The following TUT7 variants were observed in gnomAD, a reference collection of about 807,000 sequenced individuals.
TUT7 encodes terminal uridylyl transferase 7, also known as terminal uridylyltransferase 7.
A neutral mutation model predicts 165.9 loss-of-function variants in TUT7; 33 were observed. The ratio of observed to expected loss-of-function variants is 0.20; its 90% CI spans 0.15 to 0.27. The LOEUF (loss-of-function observed/expected upper bound fraction) is 0.27. Ranked by LOEUF, TUT7 falls within the 10% of genes least tolerant of loss-of-function variation. The pLI, the probability that TUT7 is intolerant of heterozygous loss-of-function variation, is 1.00. For synonymous variants in TUT7, 552 were observed against 608.1 expected (o/e 0.91, Z 1.36); for missense variants, 1,338 against 1,762.3 (o/e 0.76, Z 4.31).
At chr9:86,308,912 A>C (rs1406417535) in intron 21 of TUT7, among the ~76,000 whole-genome samples, 2 of 152,196 alleles carry the variant, frequency 1.3e-5, no homozygotes, top group Non-Finnish European at 2.9e-5. Context: ...GCTCATTGAA[A>C]GTCTTTCTAA....
intron 9 of TUT7, among the ~76,000 whole-genome samples, chr9:86,338,592 T>C (rs2131550853): frequency 6.6e-6 from 1 of 152,328 alleles, no homozygotes; most frequent in African/African-American, 2.4e-5. Flanking sequence ...CTCACAAATC[T>C]GATTTTTAAT....
At position 86,352,922 on chromosome 9, in the gene TUT7, C is replaced by T; in HGVS notation, c.278G>A (p.Ser93Asn). The T allele has an allele frequency of 6.2e-7, 1 of 1,614,220 alleles. No individual in the cohort carries two copies. The highest frequency in any genetic ancestry group is 2.2e-5 in the East Asian group (1 of 44,888). ...CCATCTCTTACTCTGATCTTTGTGG[C>T]TGTCATTCATCCAAGCGGGTTGACT... is the stretch of plus-strand genomic sequence containing the variant. Reference protein sequence around the residue: ...IYSQPAWMNDSHKDQSKRWLS... With the variant: ...IYSQPAWMNDNHKDQSKRWLS... The change falls in exon 2 of 27, where the codon AGC (serine) becomes AAC (asparagine). Residue 93 changes from serine to asparagine, a missense_variant. By Grantham distance (46) the Ser-to-Asn change is conservative (BLOSUM62 1). Coordinates refer to ENST00000375963, the MANE Select transcript of TUT7 (RefSeq NM_024617.4).
chr9:86,345,770 G>C lies in TUT7; in HGVS notation c.718C>G (p.Pro240Ala), dbSNP rs1167701091. The C allele has an allele frequency of 1.2e-6, 2 of 1,611,218 alleles. No homozygotes were observed. The highest frequency in any genetic ancestry group is 2.7e-5 in the African/African-American group (2 of 74,892). The part of the protein sequence containing the change: ...DRLKRRPRNY[P>A]TAKYTCRLCD... Reference sequence around the variant, plus strand: ...AGTCTGCAGGTGTACTTTGCTGTAGGGTAGTTTCGTGGTCGCTATAATTTG... The same window carrying C: ...AGTCTGCAGGTGTACTTTGCTGTAGCGTAGTTTCGTGGTCGCTATAATTTG... The change falls in exon 4 of 27, where the codon CCT (proline) becomes GCT (alanine). Residue 240 changes from proline (P) to alanine (A), a missense_variant. Pro to Ala is a conservative substitution (Grantham distance 27). Coordinates refer to ENST00000375963, the MANE Select transcript of TUT7 (RefSeq NM_024617.4).
At position 86,323,339 on chromosome 9, in the gene TUT7, G is replaced by A. The variant is rs1225104569; in HGVS notation, c.2411C>T (p.Ala804Val). The change falls in exon 13 of 27, where the codon GCC (alanine) becomes GTC (valine). Residue 804 changes from alanine to valine, a missense_variant. Around this residue, in one of 7 missense-constraint regions of TUT7, gnomAD observed 425 missense variants for 474.9 expected, o/e 0.89. Coordinates refer to ENST00000375963, the MANE Select transcript of TUT7 (RefSeq NM_024617.4). The part of the protein sequence containing the change: ...NPTAKECEGL[A>V]TLDNKADLDG... Reference sequence around the variant, plus strand: ...AAGATCAGCCTTGTTATCTAAAGTGGCAAGTCCCTCACACTCTTTAGCTGT... The same window carrying A: ...AAGATCAGCCTTGTTATCTAAAGTGACAAGTCCCTCACACTCTTTAGCTGT... 1.2e-6 allele frequency: 2 copies of A among 1,613,916 alleles called. No individual in the cohort carries two copies. Among genetic ancestry groups the A allele is most frequent in the Admixed American group, 1.7e-5 (1 of 59,994 alleles).
At position 86,310,725 on chromosome 9, in the gene TUT7, A is replaced by C. The variant is rs753140997; in HGVS notation, c.3359T>G (p.Ile1120Ser). ...FHLRSGLEVDISLYNTLALHN... is the reference protein window; with the variant it reads ...FHLRSGLEVDSSLYNTLALHN... The stretch of plus-strand genomic sequence containing the variant: ...TCTTACCAATGTGTTATACAAACTG[A>C]TATCTACTTCCAGACCACTTCTCAA... The change falls in exon 18 of 27, where the codon ATC (isoleucine) becomes AGC (serine). Residue 1120 changes from isoleucine (I) to serine (S), a missense_variant. Coordinates refer to ENST00000375963, the MANE Select transcript of TUT7 (RefSeq NM_024617.4). 6.2e-7 allele frequency: 1 copy of C among 1,607,426 alleles called. No individual in the cohort carries two copies. The highest frequency in any genetic ancestry group is 8.5e-7 in the Non-Finnish European group (1 of 1,173,950).
At chr9:86,316,246 T>C (rs964260495) in intron 17 of TUT7, among the ~76,000 whole-genome samples, 51 of 152,218 alleles carry the variant, frequency 3.4e-4, no homozygotes, top group African/African-American at 1.2e-3. Context: ...ACAAAATCTA[T>C]ACATTTTATA....
chr9:86,339,248 C>T (rs1052281425), intron 8 of TUT7, among the ~76,000 whole-genome samples: 2 of 152,074 alleles, frequency 1.3e-5, no homozygotes, highest in Non-Finnish European at 2.9e-5. Context: ...TGTTTCGGGC[C>T]AGGCATGGTG....
intron 5 of TUT7, among the ~76,000 whole-genome samples, chr9:86,343,935 T>C (rs1831533724): frequency 6.6e-6 from 1 of 152,208 alleles, no homozygotes; most frequent in Non-Finnish European, 1.5e-5. Context: ...GTGATTTCTT[T>C]GGGTTTTAGC....
In TUT7 at chr9:86,323,166, G is replaced by T; in HGVS notation, c.2584C>A (p.Leu862Ile). 6.2e-7 allele frequency: 1 copy of T among 1,614,110 alleles called. No homozygotes were observed. Residue 862 changes from leucine to isoleucine, a missense_variant, in exon 13 of 27, where the codon CTC (leucine) becomes ATC (isoleucine). Leu to Ile is a conservative substitution (Grantham distance 5). Transcript: ENST00000375963. ...TCATCTTCCCTTTGGTTAATGGTGA[G>T]CCTAGGTTCTTCTTCCTCCTCCTCT... ...EEEEEEEEPRLTINQREDEDG... is the reference protein window; with the variant it reads ...EEEEEEEEPRITINQREDEDG...
Position 86,353,229 on chromosome 9 carries a change from A to C in TUT7, c.-30T>G. 4 of 1,529,464 alleles carry C rather than the reference A, an allele frequency of 2.6e-6. 1 individual carries two copies. Among genetic ancestry groups the C allele is most frequent in the Non-Finnish European group, 3.5e-6 (4 of 1,145,422 alleles). The allele number at this position is 1,529,464 out of a possible 1,614,324, so 94.7% of individuals were successfully genotyped here. A position where few individuals can be genotyped will look rare whatever the true frequency, so the allele number is the denominator to read the frequency against. On this transcript the variant is annotated splice_region_variant and 5_prime_UTR_variant, in exon 2 of 27. Transcript: ENST00000375963. ...TTTGACTTCAATTTTCTTACTTTGCACCTGAAAGAAGGTATTTTGGGGAAA... is the reference window on the plus strand; with the variant it reads ...TTTGACTTCAATTTTCTTACTTTGCCCCTGAAAGAAGGTATTTTGGGGAAA...
intron 23 of TUT7, 25 bp downstream of exon 23, chr9:86,305,166 TA>T: frequency 6.4e-7 from 1 of 1,570,402 alleles, no homozygotes; most frequent in Non-Finnish European, 8.6e-7. Context: ...AAATAAAAAA[TA>T]AAATTGACAA....
chr9:86,300,432 GACT>G (rs1385365932), intron 26 of TUT7, among the ~76,000 whole-genome samples: 2 of 152,156 alleles, frequency 1.3e-5, no homozygotes, highest in Non-Finnish European at 2.9e-5. Flanking sequence ...CGACAGGATT[GACT>G]ACTTTAATTA....
chr9:86,337,961 G>A (rs1334218477), intron 9 of TUT7, among the ~76,000 whole-genome samples: 2 of 152,128 alleles, frequency 1.3e-5, no homozygotes, highest in Non-Finnish European at 2.9e-5. Context: ...ACAAAGATTG[G>A]CGTGGGGAGA....
At chr9:86,294,554 G>T (rs1316687287) in intron 26 of TUT7, among the ~76,000 whole-genome samples, 1 of 146,238 alleles carries the variant, frequency 6.8e-6, no homozygotes, top group Non-Finnish European at 1.5e-5. Flanking sequence ...CTATCATAAA[G>T]AATATTGGGG....
At chr9:86,297,920 A>AATTTTTTTTTTTT (rs1826489460) in intron 26 of TUT7, among the ~76,000 whole-genome samples, 1 of 24,116 alleles carries the variant, frequency 4.1e-5, no homozygotes, top group Non-Finnish European at 6.7e-5. Context: ...TGCCTGCTCC[A>AATTTTTTTTTTTT]CTTTTTTTTT....
At chr9:86,342,074 A>G (rs1327708937) in intron 6 of TUT7, among the ~76,000 whole-genome samples, 2 of 152,222 alleles carry the variant, frequency 1.3e-5, no homozygotes, top group Non-Finnish European at 2.9e-5. Context: ...AAGGTTAAAA[A>G]AACAGTCTAT....
chr9:86,295,114 G>C (rs1270121281), intron 26 of TUT7, among the ~76,000 whole-genome samples: 2 of 151,570 alleles, frequency 1.3e-5, no homozygotes, highest in Non-Finnish European at 2.9e-5. Context: ...ATCATCTCAG[G>C]GAGAAGTTCA....
chr9:86,327,196 T>C (rs555154063), intron 11 of TUT7, among the ~76,000 whole-genome samples: 41 of 152,350 alleles, frequency 2.7e-4, no homozygotes, highest in Non-Finnish European at 4.9e-4. Flanking sequence ...ATAGCGGCAT[T>C]ACAAAGGATT....
chr9:86,328,574 A>T, intron 10 of TUT7, 82 bp from the exon 11 acceptor site: 3 of 1,214,654 alleles, frequency 2.5e-6, no homozygotes, highest in Non-Finnish European at 3.4e-6. Flanking sequence ...GAATAAAAAA[A>T]TACTCATAGT....
Sources: gnomAD v4.1 joint callset for allele counts (sites outside exome capture counted in the v4.1 genomes callset) on GRCh38, gnomAD v4.1.1 for gene constraint, gnomAD v4.1.1 regional missense constraint, MANE v1.5 for transcripts, NCBI Gene and HGNC (gene_info 2026-07-23, HGNC 2026-07-21) for gene names.